The following LYRM4 variants were observed in gnomAD, a reference collection of about 807,000 sequenced individuals.
The protein encoded by LYRM4 is LYR motif-containing protein 4.
In LYRM4, 9 loss-of-function variants were observed where a neutral mutation model predicts 11.7. The ratio of observed to expected loss-of-function variants is 0.77; its 90% CI spans 0.46 to 1.34. LYRM4 has a LOEUF of 1.34. Among genes scored for constraint, LYRM4 ranks in the 40% most tolerant of loss-of-function variants. The pLI, the probability that LYRM4 is intolerant of heterozygous loss-of-function variation, is 0.00. For synonymous variants in LYRM4, 42 were observed against 40.4 expected (o/e 1.04, Z -0.15); for missense variants, 133 against 112.5 (o/e 1.18, Z -0.82).
In LYRM4 at chr6:5,170,994, GA is replaced by G. The variant is rs1269280540; in HGVS notation, c.207+45623del. On this transcript the variant is annotated intron_variant, in intron 2 of 2. Transcript: ENST00000330636. ...TGATGCAGGCATATTTTTTACTGAT[GA>G]AAGATGTTAATTTGAAATTAGGAAA... 5.9e-5 allele frequency among the ~76,000 whole-genome samples: 9 copies of G among 152,248 alleles called. No individual in the cohort carries two copies. In the East Asian group the frequency reaches 1.7e-3, roughly 29 times the overall value.
At chr6:5,061,415 A>AT in the LYRM4 span, among the ~76,000 whole-genome samples, 2 of 152,234 alleles carry the variant, frequency 1.3e-5, no homozygotes, top group African/African-American at 4.8e-5. Context: ...ATCTTATTGC[A>AT]TTTTGCCCTT....
chr6:5,082,004 A>C, the LYRM4 span, among the ~76,000 whole-genome samples: 1 of 152,240 alleles, frequency 6.6e-6, no homozygotes, highest in Non-Finnish European at 1.5e-5. Context: ...TGGAAGTCCC[A>C]TGCCCATCGC....
intron 2 of LYRM4, among the ~76,000 whole-genome samples, chr6:5,183,763 A>G (rs1760217648): frequency 6.6e-6 from 1 of 152,238 alleles, no homozygotes; most frequent in East Asian, 1.9e-4. Flanking sequence ...CAGTCTGACA[A>G]CTAAATAAGA....
At chr6:5,238,649 T>C (rs1172707475) in intron 1 of LYRM4, among the ~76,000 whole-genome samples, 1 of 152,228 alleles carries the variant, frequency 6.6e-6, no homozygotes, top group Non-Finnish European at 1.5e-5. Flanking sequence ...GTGAAGTGAA[T>C]ACAGATCTGT....
downstream of LYRM4, chr6:5,103,796 G>C (rs1762577713): frequency 6.6e-6 from 1 of 151,840 alleles, no homozygotes; most frequent in Non-Finnish European, 1.5e-5. Flanking sequence ...TGCCACGCCT[G>C]GCTAATTTTT....
chr6:5,119,812 A>C (rs993600037), intron 2 of LYRM4, among the ~76,000 whole-genome samples: 1 of 151,462 alleles, frequency 6.6e-6, no homozygotes, highest in East Asian at 1.9e-4. Flanking sequence ...AAAAAAAAAA[A>C]AAAAAAAACA....
At chr6:5,140,441 A>T (rs533052221) in intron 2 of LYRM4, among the ~76,000 whole-genome samples, 3 of 152,246 alleles carry the variant, frequency 2.0e-5, no homozygotes, top group Non-Finnish European at 4.4e-5. Flanking sequence ...AGGAAGGAAC[A>T]TTTAAACCTG....
chr6:5,215,069 C>T (rs1391133436), intron 2 of LYRM4, among the ~76,000 whole-genome samples: 1 of 150,438 alleles, frequency 6.6e-6, no homozygotes, highest in Non-Finnish European at 1.5e-5. Flanking sequence ...GTAGTTTGAG[C>T]ATTTCAAACC....
At chr6:5,125,485 C>T (rs1447378495) in intron 2 of LYRM4, among the ~76,000 whole-genome samples, 1 of 152,204 alleles carries the variant, frequency 6.6e-6, no homozygotes, top group Non-Finnish European at 1.5e-5. Flanking sequence ...CGCGTGGTGC[C>T]TCAGCCACTC....
chr6:5,245,109 AAAAAATATATATATATATATATAT>A lies in LYRM4; in HGVS notation c.86+15515_86+15538del, dbSNP rs1446108151. ...GACCTTAAAAAAAAAAAAAAAAAAA[AAAAAATATATATATATATATATAT>A]ATATATATATATATATATATATATA... On this transcript the variant is annotated intron_variant, in intron 1 of 2. Transcript: ENST00000330636. Among the ~76,000 whole-genome samples the A allele has an allele frequency of 1.6e-3, 65 of 40,128 alleles. 3 individuals are homozygous for A. Among genetic ancestry groups the A allele is most frequent in the African/African-American group, 6.5e-3 (54 of 8,344 alleles). The allele number at this position is 40,128 out of a possible 152,430, so 26.3% of individuals were successfully genotyped here.
intron 2 of LYRM4, among the ~76,000 whole-genome samples, chr6:5,133,401 T>C (rs1764045136): frequency 6.6e-6 from 1 of 152,188 alleles, no homozygotes; most frequent in African/African-American, 2.4e-5. Context: ...TTGCACGGGC[T>C]TAAATCTAGC....
chr6:5,227,987 G>A (rs949276045), intron 1 of LYRM4, among the ~76,000 whole-genome samples: 1 of 152,160 alleles, frequency 6.6e-6, no homozygotes, highest in Admixed American at 6.5e-5. Flanking sequence ...CTGTTGCGGG[G>A]TGGGGGGCTA....
At chr6:5,143,278 G>A (rs1757510428) in intron 2 of LYRM4, among the ~76,000 whole-genome samples, 1 of 152,142 alleles carries the variant, frequency 6.6e-6, no homozygotes, top group Admixed American at 6.5e-5. Context: ...GATCAAATAT[G>A]CCTTCTGGCT....
the LYRM4 span, chr6:5,084,475 G>A: frequency 2.0e-5 from 3 of 152,030 alleles, 1 homozygote; most frequent in Non-Finnish European, 4.4e-5. Context: ...CCGGCCCCAC[G>A]GGGCCCCCTC....
At chr6:5,226,470 C>T (rs1010120281) in intron 1 of LYRM4, among the ~76,000 whole-genome samples, 1 of 152,170 alleles carries the variant, frequency 6.6e-6, no homozygotes, top group Admixed American at 6.5e-5. Flanking sequence ...TTGCAACCTC[C>T]GCTTCCTGGG....
intron 2 of LYRM4, among the ~76,000 whole-genome samples, chr6:5,211,195 G>A (rs757359689): frequency 3.3e-5 from 5 of 152,084 alleles, no homozygotes; most frequent in African/African-American, 1.2e-4. Flanking sequence ...GAGAACTGTG[G>A]GTAAGATATC....
chr6:5,151,015 T>C (rs1581386086), intron 2 of LYRM4, among the ~76,000 whole-genome samples: 1 of 152,166 alleles, frequency 6.6e-6, no homozygotes, highest in Non-Finnish European at 1.5e-5. Context: ...TGGCTAGAAG[T>C]GACCTTTACT....
the LYRM4 span, chr6:5,088,078 T>A: frequency 6.6e-5 from 10 of 152,144 alleles, no homozygotes; most frequent in African/African-American, 2.4e-4. Context: ...TTTTACATTT[T>A]TATTTTTAAT....
rs1168845558 is a variant in LYRM4 at position 5,163,398 on chromosome 6, GT to G, written c.207+53219del. Among the ~76,000 whole-genome samples the G allele has an allele frequency of 3.3e-5, 5 of 151,968 alleles. No homozygotes were observed. The East Asian group carries it at 9.7e-4, about 29-fold the overall frequency. On this transcript the variant is annotated intron_variant, in intron 2 of 2. Coordinates refer to ENST00000330636, the MANE Select transcript of LYRM4 (RefSeq NM_020408.6). The stretch of plus-strand genomic sequence containing the variant: ...TGGGTTTCTTTCTGCAGGCTGTTCT[GT>G]TTCACCGATCAGTTTGCCTAGCCTC...
Sources: gnomAD v4.1 joint callset for allele counts (sites outside exome capture counted in the v4.1 genomes callset) on GRCh38, gnomAD v4.1.1 for gene constraint, MANE v1.5 for transcripts, NCBI Gene and HGNC (gene_info 2026-07-23, HGNC 2026-07-21) for gene names.